FBXL13: variants seen among roughly 807,000 people sequenced by gnomAD.
FBXL13 encodes the protein F-box and leucine-rich repeat protein 13.
A neutral mutation model predicts 83.6 loss-of-function variants in FBXL13; 67 were observed. The observed-to-expected ratio is 0.80, with a 90% CI of 0.66 to 0.98. The LOEUF is 0.98. Ranked by LOEUF, FBXL13 falls within the 50% of genes least tolerant of loss-of-function variation. FBXL13 has a pLI of 0.00. For missense variants in FBXL13, 822 were observed against 866.5 expected, an observed-to-expected ratio of 0.95 and a Z score of 0.64; for synonymous variants, 272 against 299.5, an observed-to-expected ratio of 0.91 and a Z score of 0.95.
At chr7:102,849,789 T>C (rs543468150) in intron 17 of FBXL13, among the ~76,000 whole-genome samples, 1 of 151,732 alleles carries the variant, frequency 6.6e-6, no homozygotes, top group African/African-American at 2.4e-5. Context: ...TTGGAAGAGG[T>C]AAAACTGGTT....
chr7:102,842,405 T>C (rs935422916), intron 17 of FBXL13, among the ~76,000 whole-genome samples: 3 of 152,220 alleles, frequency 2.0e-5, no homozygotes, highest in African/African-American at 7.2e-5. Flanking sequence ...ATCTAATCCA[T>C]CTTTGGCATT....
chr7:102,903,455 A>G (rs973006483), intron 11 of FBXL13, among the ~76,000 whole-genome samples: 1 of 152,132 alleles, frequency 6.6e-6, no homozygotes, highest in East Asian at 1.9e-4. Flanking sequence ...ACTATGTTGA[A>G]TAACAGTAGT....
rs182083960 is a variant in FBXL13 at position 103,048,313 on chromosome 7, A to G, written c.-1+7331T>C. On this transcript the variant is annotated intron_variant, in intron 2 of 19. Transcript: ENST00000313221. The stretch of plus-strand genomic sequence containing the variant: ...CTCACTTAGCCAAAATGATGACTCA[A>G]AAAATTTTTTAAAGGCAAAAACCTT... Among the ~76,000 whole-genome samples the G allele has an allele frequency of 2.0e-4, 31 of 152,084 alleles. 2 individuals carry two copies. The East Asian group carries it at 5.4e-3, about 26-fold the overall frequency.
chr7:102,959,893 A>G (rs1271739309), intron 8 of FBXL13, among the ~76,000 whole-genome samples: 1 of 152,144 alleles, frequency 6.6e-6, no homozygotes, highest in African/African-American at 2.4e-5. Flanking sequence ...AATTTAGTGG[A>G]TCTATATGCA....
At chr7:102,887,455 G>C (rs780676460) in intron 11 of FBXL13, among the ~76,000 whole-genome samples, 1 of 151,960 alleles carries the variant, frequency 6.6e-6, no homozygotes, top group Admixed American at 6.6e-5. Context: ...CCAAGTGTGT[G>C]TATGTGTGTG....
chr7:102,818,329 C>G (rs1486284375), intron 19 of FBXL13, among the ~76,000 whole-genome samples: 1 of 152,192 alleles, frequency 6.6e-6, no homozygotes, highest in East Asian at 1.9e-4. Flanking sequence ...AAGTATGGCT[C>G]TCCTTATTTG....
intron 6 of FBXL13, among the ~76,000 whole-genome samples, chr7:103,009,810 G>A (rs552284031): frequency 3.9e-5 from 6 of 152,316 alleles, no homozygotes; most frequent in East Asian, 1.9e-4. Context: ...CTTGCAGCCC[G>A]GTGGGCAACA....
exon 9 of FBXL13, chr7:102,931,889 T>A (rs1462048702): frequency 6.2e-7 from 1 of 1,613,642 alleles, no homozygotes; most frequent in Non-Finnish European, 8.5e-7. Context: ...ACTGTGAATG[T>A]TGGGCAGTCA....
intron 11 of FBXL13, among the ~76,000 whole-genome samples, chr7:102,907,619 C>T (rs1385469933): frequency 6.6e-6 from 1 of 152,130 alleles, no homozygotes; most frequent in Non-Finnish European, 1.5e-5. Context: ...TGGTTCCCAG[C>T]TTCATCCATG....
intron 14 of FBXL13, among the ~76,000 whole-genome samples, chr7:102,882,762 AAAAACAAAACAAAAC>A (rs142466646): frequency 1.2e-4 from 18 of 150,670 alleles, no homozygotes; most frequent in South Asian, 2.1e-4. Flanking sequence ...ACTCTGTCTC[AAAAACAAAACAAAAC>A]AAAACAAAAC....
intron 19 of FBXL13, 103 bp from the exon 21 acceptor site, chr7:102,813,634 C>G: frequency 8.4e-7 from 1 of 1,185,954 alleles, no homozygotes; most frequent in Non-Finnish European, 1.2e-6. Flanking sequence ...CTGTCACAAT[C>G]TGAATTCACA....
At chr7:102,954,290 C>T (rs570733792) in intron 8 of FBXL13, among the ~76,000 whole-genome samples, 4 of 152,304 alleles carry the variant, frequency 2.6e-5, no homozygotes. Context: ...TCTAGCCAAA[C>T]TAAGCTTCAT....
intron 11 of FBXL13, 164 bp downstream of exon 12, chr7:102,912,922 C>G: frequency 2.3e-6 from 2 of 863,874 alleles, no homozygotes; most frequent in Non-Finnish European, 3.4e-6. Flanking sequence ...CCTATAATAG[C>G]GATCCTGGGG....
intron 2 of FBXL13, among the ~76,000 whole-genome samples, chr7:103,037,454 G>GT (rs201702192): frequency 1.5e-4 from 22 of 151,566 alleles, no homozygotes; most frequent in Admixed American, 1.3e-3. Context: ...ACATTTTAGG[G>GT]TTTTTTTTAC....
intron 9 of FBXL13, among the ~76,000 whole-genome samples, chr7:102,930,874 C>T (rs1203221531): frequency 6.6e-6 from 1 of 152,128 alleles, no homozygotes; most frequent in Non-Finnish European, 1.5e-5. Context: ...TTGGTATCTC[C>T]AGATAGTTGC....
intron 19 of FBXL13, among the ~76,000 whole-genome samples, chr7:102,821,558 C>A (rs749682844): frequency 4.6e-5 from 7 of 152,176 alleles, no homozygotes; most frequent in Non-Finnish European, 1.0e-4. Flanking sequence ...TAATTTTTCA[C>A]ATCTGCCTAA....
intron 6 of FBXL13, among the ~76,000 whole-genome samples, chr7:102,994,671 A>T (rs1829913487): frequency 1.3e-5 from 2 of 152,248 alleles, no homozygotes; most frequent in Non-Finnish European, 2.9e-5. Context: ...ATTCCCACCC[A>T]GCTTTCCACT....
chr7:102,989,463 T>C (rs1039602554), intron 6 of FBXL13, among the ~76,000 whole-genome samples: 1 of 152,188 alleles, frequency 6.6e-6, no homozygotes, highest in Non-Finnish European at 1.5e-5. Flanking sequence ...AGAAACACTC[T>C]GGGCCTCTCT....
At chr7:103,036,411 T>C (rs1795072756) in intron 2 of FBXL13, among the ~76,000 whole-genome samples, 1 of 152,202 alleles carries the variant, frequency 6.6e-6, no homozygotes, top group African/African-American at 2.4e-5. Flanking sequence ...ATGTCTTTAA[T>C]ACAGAGAGAA....
Sources: gnomAD v4.1 joint callset for allele counts (sites outside exome capture counted in the v4.1 genomes callset) on GRCh38, gnomAD v4.1.1 for gene constraint, MANE v1.5 for transcripts, NCBI Gene and HGNC (gene_info 2026-07-23, HGNC 2026-07-21) for gene names.